DNMT1: variants seen among roughly 807,000 people sequenced by gnomAD.
DNMT1 encodes DNA methyltransferase 1, also known as DNA (cytosine-5)-methyltransferase 1.
A neutral mutation model predicts 205.3 loss-of-function variants in DNMT1; 24 were observed. The observed-to-expected ratio is 0.12, with a 90% CI of 0.08 to 0.16. DNMT1 has a LOEUF of 0.16. Ranked by LOEUF, DNMT1 falls within the 10% of genes least tolerant of loss-of-function variation. DNMT1 has a pLI of 1.00. For synonymous variants in DNMT1, 817 were observed against 839.8 expected (o/e 0.97, Z 0.47); for missense variants, 1,293 against 2,177.7 (o/e 0.59, Z 8.09).
chr19:10,155,990 C>A, intron 18 of DNMT1, 45 bp from the exon 19 acceptor site: 1 of 1,592,262 alleles, frequency 6.3e-7, no homozygotes, highest in Non-Finnish European at 8.6e-7. Context: ...GACTCACATC[C>A]CAAACCCAGG....
At chr19:10,148,103 C>T (rs1354872264) in intron 27 of DNMT1, among the ~76,000 whole-genome samples, 3 of 60,094 alleles carry the variant, frequency 5.0e-5, no homozygotes, top group South Asian at 4.4e-4. Flanking sequence ...GCAACAAAAG[C>T]GAAACTCTGT....
chr19:10,180,503 C>A lies in DNMT1; in HGVS notation c.292G>T (p.Ala98Ser), dbSNP rs755873606. 2.5e-6 allele frequency: 4 copies of A among 1,614,174 alleles called. No individual in the cohort carries two copies. The South Asian group carries it at 4.4e-5, about 18-fold the overall frequency. The stretch of plus-strand genomic sequence containing the variant: ...CGTCCATTCACTTCCCGGTTGTAAG[C>A]ATGAGCACCGTTCTCCAAGGACAAA... ...KDLSLENGAHAYNREVNGRLE... is the reference protein window; with the variant it reads ...KDLSLENGAHSYNREVNGRLE... Residue 98 changes from alanine to serine, a missense_variant, in exon 4 of 41, where the codon GCT becomes TCT. Physicochemically the swap from Ala to Ser is moderately conservative, Grantham distance 99. Around this residue, in one of 13 missense-constraint regions of DNMT1, gnomAD observed 394 missense variants for 451.6 expected, o/e 0.87. Transcript: ENST00000359526.
intron 10 of DNMT1, among the ~76,000 whole-genome samples, chr19:10,167,017 C>T (rs2038709620): frequency 6.6e-6 from 1 of 152,128 alleles, no homozygotes; most frequent in African/African-American, 2.4e-5. Context: ...AGGTTGAGAG[C>T]TGGGCTGATG....
intron 1 of DNMT1, among the ~76,000 whole-genome samples, chr19:10,183,871 G>C (rs912592608): frequency 6.6e-6 from 1 of 151,634 alleles, no homozygotes; most frequent in Non-Finnish European, 1.5e-5. Flanking sequence ...GTGAAACTCT[G>C]TCTCAAAATA....
At chr19:10,158,450 T>C (rs1487104976) in intron 17 of DNMT1, among the ~76,000 whole-genome samples, 3 of 151,876 alleles carry the variant, frequency 2.0e-5, no homozygotes, top group Non-Finnish European at 2.9e-5. Context: ...CCAACAGGGG[T>C]CCCCAAGGCA....
chr19:10,188,285 A>C (rs1411260804), intron 1 of DNMT1, among the ~76,000 whole-genome samples: 1 of 151,974 alleles, frequency 6.6e-6, no homozygotes, highest in African/African-American at 2.4e-5. Flanking sequence ...CATGCCTGTA[A>C]TCCCAGCACT....
At position 10,154,603 on chromosome 19, in the gene DNMT1, C is replaced by G; in HGVS notation, c.1815G>C (p.Gly605=). The G allele has an allele frequency of 6.2e-7, 1 of 1,614,016 alleles. No homozygotes were observed. The highest frequency in any genetic ancestry group is 8.5e-7 in the Non-Finnish European group (1 of 1,179,962). The part of the protein sequence containing the change: ...PCMRDLIKLA[G]VTLGQRRAQA... ...ATCCTTACCTCTGTCCCAGCGTGAC[C>G]CCAGCCAGCTTGATCAGGTCCCGCA... Residue 605 remains glycine, a synonymous_variant, in exon 21 of 41, where the codon GGG becomes GGC. Coordinates refer to ENST00000359526, the MANE Select transcript of DNMT1 (RefSeq NM_001130823.3). The surrounding 1 kb of genome is among the most constrained non-coding windows in gnomAD (Gnocchi z 6.3).
chr19:10,189,512 T>C (rs1048792489), intron 1 of DNMT1, among the ~76,000 whole-genome samples: 1 of 151,392 alleles, frequency 6.6e-6, no homozygotes, highest in African/African-American at 2.4e-5. Context: ...CTCGACCTCA[T>C]GGGTTCAAGT....
At chr19:10,174,372 C>A (rs901977758) in intron 7 of DNMT1, among the ~76,000 whole-genome samples, 20 of 151,876 alleles carry the variant, frequency 1.3e-4, no homozygotes, top group East Asian at 5.8e-4. Flanking sequence ...GCCATGACTG[C>A]GCCACTGCAC....
chr19:10,157,467 G>A (rs960887777), intron 17 of DNMT1, among the ~76,000 whole-genome samples: 4 of 152,174 alleles, frequency 2.6e-5, no homozygotes, highest in Middle Eastern at 3.2e-3. Context: ...TGAAGACAGA[G>A]AGGCAAGATG....
At chr19:10,135,174 C>A (rs1448809994) in intron 39 of DNMT1, among the ~76,000 whole-genome samples, 1 of 141,432 alleles carries the variant, frequency 7.1e-6, no homozygotes, top group African/African-American at 2.7e-5. Flanking sequence ...GATCACGCCA[C>A]TTCACTCCAG....
At chr19:10,172,503 A>G (rs993118624) in intron 9 of DNMT1, among the ~76,000 whole-genome samples, 6 of 151,938 alleles carry the variant, frequency 3.9e-5, no homozygotes, top group Non-Finnish European at 7.4e-5. Flanking sequence ...GCGAGGTGAC[A>G]AACTGAAGCT....
At chr19:10,185,460 C>T (rs1457352975) in intron 1 of DNMT1, among the ~76,000 whole-genome samples, 4 of 150,242 alleles carry the variant, frequency 2.7e-5, no homozygotes, top group Non-Finnish European at 5.9e-5. Context: ...GTAGAAGAGA[C>T]ACTTAGCACC....
intron 38 of DNMT1, 134 bp downstream of exon 38, chr19:10,135,987 G>A: frequency 1.3e-6 from 2 of 1,492,544 alleles, no homozygotes; most frequent in South Asian, 2.5e-5. Flanking sequence ...GGACGTGGAG[G>A]GGCAGGAGGC....
chr19:10,175,315 G>GA (rs1288163781), intron 7 of DNMT1, among the ~76,000 whole-genome samples: 1 of 151,298 alleles, frequency 6.6e-6, no homozygotes, highest in South Asian at 2.1e-4. Flanking sequence ...ATAAAAACAA[G>GA]AAAAAAATCA....
intron 13 of DNMT1, among the ~76,000 whole-genome samples, chr19:10,160,724 G>A (rs567932010): frequency 2.6e-5 from 4 of 152,046 alleles, no homozygotes; most frequent in South Asian, 2.1e-4. Context: ...GCGAAATCAC[G>A]TCTCTACCAA....
chr19:10,158,009 CA>C (rs1355535054), intron 17 of DNMT1, among the ~76,000 whole-genome samples: 1 of 152,228 alleles, frequency 6.6e-6, no homozygotes, highest in Non-Finnish European at 1.5e-5. Flanking sequence ...ATAACTCAGG[CA>C]GTCCAGCTCC....
intron 6 of DNMT1, among the ~76,000 whole-genome samples, chr19:10,176,763 C>T (rs1381065258): frequency 2.0e-5 from 3 of 151,992 alleles, no homozygotes; most frequent in Non-Finnish European, 4.4e-5. Flanking sequence ...GAGGCTGAGG[C>T]AGGAGAATCA....
Position 10,154,843 on chromosome 19 carries a change from G to A in DNMT1, c.1644+62C>T. The A allele has an allele frequency of 6.2e-7, 1 of 1,614,208 alleles. No individual in the cohort carries two copies. On this transcript the variant is annotated intron_variant, in intron 20 of 40. Transcript: ENST00000359526. This position sits in a 1 kb window ranked among gnomAD's most constrained non-coding sequence, Gnocchi z 6.3. ...TAAATCCAACTGAAGAACAGTGTCT[G>A]CTGGTTCTGAAGGCAAGTTTCCAGT...
Sources: allele counts gnomAD v4.1 joint callset (sites outside exome capture counted in the v4.1 genomes callset), GRCh38; gene constraint gnomAD v4.1.1; regional missense constraint gnomAD v4.1.1; non-coding constraint Gnocchi (gnomAD v3.1); transcripts MANE v1.5; gene names NCBI Gene and HGNC (gene_info 2026-07-23, HGNC 2026-07-21).